The following ZNF718 variants were observed in gnomAD, a reference collection of about 807,000 sequenced individuals.
ZNF718 encodes zinc finger protein 718.
Under a neutral mutation model 2.6 loss-of-function variants are expected in ZNF718, and 3 were observed. The ratio of observed to expected loss-of-function variants is 1.16; its 90% CI spans 0.53 to 3.01. The LOEUF is 3.01. ZNF718 is among the 30% of genes most tolerant of loss of function. The probability of loss-of-function intolerance (pLI) is 0.03; values close to 1 mark genes in which losing one functional copy is unlikely to be tolerated. For missense variants in ZNF718, 468 were observed against 230.0 expected, an observed-to-expected ratio of 2.03 and a Z score of -6.69; for synonymous variants, 135 against 77.9, an observed-to-expected ratio of 1.73 and a Z score of -3.86.
chr4:160,350 C>T (rs1716768659), intron 3 of ZNF718, among the ~76,000 whole-genome samples: 3 of 152,118 alleles, frequency 2.0e-5, no homozygotes, highest in African/African-American at 4.8e-5. Flanking sequence ...TGGAATTGTG[C>T]TTACCTGAGG....
intron 3 of ZNF718, among the ~76,000 whole-genome samples, chr4:145,135 A>T (rs1553811009): frequency 6.6e-6 from 1 of 152,168 alleles, no homozygotes; most frequent in African/African-American, 2.4e-5. Context: ...ATTTTCTCAC[A>T]GTGGCAGTTA....
chr4:154,250 T>A (rs1055546528), intron 3 of ZNF718, among the ~76,000 whole-genome samples: 1 of 152,190 alleles, frequency 6.6e-6, no homozygotes, highest in East Asian at 1.9e-4. Flanking sequence ...ATCTCAGGTA[T>A]GTCTTTATCA....
chr4:137,252 A>AG (rs1715609828), intron 3 of ZNF718, among the ~76,000 whole-genome samples: 1 of 152,152 alleles, frequency 6.6e-6, no homozygotes, highest in African/African-American at 2.4e-5. Flanking sequence ...AAAAAAAAAA[A>AG]TTACCTAGTC....
intron 3 of ZNF718, among the ~76,000 whole-genome samples, chr4:151,107 A>G (rs1304016985): frequency 6.6e-6 from 1 of 151,778 alleles, no homozygotes; most frequent in Non-Finnish European, 1.5e-5. Context: ...TAATTAATTA[A>G]TTTATTTATT....
At chr4:151,095 TTTAA>T (rs1442906417) in intron 3 of ZNF718, among the ~76,000 whole-genome samples, 4 of 152,150 alleles carry the variant, frequency 2.6e-5, no homozygotes, top group Admixed American at 2.0e-4. Flanking sequence ...AGTCTTATTT[TTTAA>T]TTAATTAATT....
At chr4:151,857 G>C (rs552880441) in intron 3 of ZNF718, among the ~76,000 whole-genome samples, 15 of 150,588 alleles carry the variant, frequency 1.0e-4, no homozygotes, top group African/African-American at 3.7e-4. Context: ...AGGGGACCCG[G>C]GGAACCAGCG....
Position 182,803 on chromosome 4 carries a change from C to T in ZNF718, c.227-18278C>T, listed in dbSNP as rs1167984467. ...TGGTTGGCCACATGTATGTCTTCTT[C>T]TGAGAAGTGTCTGTTAATATCCTTT... is the stretch of plus-strand genomic sequence containing the variant. On this transcript the variant is annotated intron_variant and NMD_transcript_variant, in intron 3 of 4. Coordinates refer to the ZNF718 transcript ENST00000642529. Among the ~76,000 whole-genome samples the T allele has an allele frequency of 2.0e-5, 3 of 152,038 alleles. No homozygotes were observed. In the East Asian group the frequency reaches 5.8e-4, roughly 29 times the overall value.
intron 3 of ZNF718, among the ~76,000 whole-genome samples, chr4:155,825 A>G (rs1004116540): frequency 3.3e-5 from 5 of 152,098 alleles, no homozygotes; most frequent in African/African-American, 1.2e-4. Flanking sequence ...CCAGGGGTGG[A>G]ATGATAGGGT....
chr4:125,624 G>A (rs1173571529), intron 1 of ZNF718, among the ~76,000 whole-genome samples: 1 of 152,218 alleles, frequency 6.6e-6, no homozygotes, highest in Non-Finnish European at 1.5e-5. Context: ...CTGCACAGGC[G>A]CTGTCCCGCT....
chr4:178,750 A>C (rs940421949), intron 3 of ZNF718, among the ~76,000 whole-genome samples: 8 of 152,110 alleles, frequency 5.3e-5, no homozygotes, highest in Admixed American at 5.2e-4. Context: ...GATATTCACT[A>C]TTGGTTGTTG....
At chr4:154,992 A>T (rs1420047816) in intron 3 of ZNF718, among the ~76,000 whole-genome samples, 1 of 152,140 alleles carries the variant, frequency 6.6e-6, no homozygotes, top group Non-Finnish European at 1.5e-5. Flanking sequence ...CAGCTACTCT[A>T]CCCATAGCTA....
intron 3 of ZNF718, among the ~76,000 whole-genome samples, chr4:147,599 G>GA (rs1201936745): frequency 1.5e-4 from 23 of 150,260 alleles, no homozygotes; most frequent in Admixed American, 4.6e-4. Flanking sequence ...CTAGTGCTCA[G>GA]AAAAAAAAAA....
At chr4:142,914 T>G (rs1168058523) in intron 3 of ZNF718, among the ~76,000 whole-genome samples, 1 of 152,174 alleles carries the variant, frequency 6.6e-6, no homozygotes, top group Non-Finnish European at 1.5e-5. Context: ...CTGTGAACTC[T>G]TGGTATTTTC....
rs1469962189 is a variant in ZNF718, at chr4:133,201, T to G, written c.226+1696T>G. The stretch of plus-strand genomic sequence containing the variant: ...TTAAAAAAAAAAAAAAAAAAATATA[T>G]ATATATATATATATATATATATATA... On this transcript the variant is annotated intron_variant, in intron 3 of 3. Coordinates refer to ENST00000510175, the MANE Select transcript of ZNF718 (RefSeq NM_001039127.6). Among the ~76,000 whole-genome samples, 26 of 17,782 alleles carry G rather than the reference T, an allele frequency of 1.5e-3. 9 individuals carry two copies. The highest frequency in any genetic ancestry group is 6.8e-3 in the African/African-American group (24 of 3,518). 11.7% of individuals were successfully genotyped at this position (17,782 alleles called of 152,430 possible). A position where few individuals can be genotyped will look rare whatever the true frequency, so the allele number is the denominator to read the frequency against.
chr4:124,482 G>C (rs1715098093), upstream of ZNF718: 1 of 691,482 alleles, frequency 1.4e-6, no homozygotes, highest in Non-Finnish European at 2.5e-6. Context: ...AGGAGGGTGC[G>C]GCATCCGGGA....
At position 135,835 on chromosome 4, in the gene ZNF718, A is replaced by G. The variant is rs79549662; in HGVS notation, c.226+4330A>G. On this transcript the variant is annotated intron_variant, in intron 3 of 3. Transcript: ENST00000510175. The stretch of plus-strand genomic sequence containing the variant: ...TCCTTTTCCTTGCCTAATTGTTCTC[A>G]TACAAATTTTTAGTAATATGTTAAG... 3.4e-3 allele frequency among the ~76,000 whole-genome samples: 480 copies of G among 143,018 alleles called. 8 individuals are homozygous for G. In the East Asian group the frequency reaches 0.068, roughly 20 times the overall value. 93.8% of individuals were successfully genotyped at this position (143,018 alleles called of 152,430 possible).
At chr4:126,990 A>AT (rs1404381332) in intron 1 of ZNF718, among the ~76,000 whole-genome samples, 3 of 151,818 alleles carry the variant, frequency 2.0e-5, no homozygotes, top group African/African-American at 7.3e-5. Flanking sequence ...CACTCAGCTA[A>AT]TTTTTTTGTA....
intron 3 of ZNF718, among the ~76,000 whole-genome samples, chr4:138,789 C>A (rs1187106456): frequency 6.6e-6 from 1 of 152,012 alleles, no homozygotes; most frequent in Non-Finnish European, 1.5e-5. Flanking sequence ...CACATCCTCA[C>A]CAGCATTTAT....
At chr4:164,610 T>C (rs542101838), downstream of ZNF718, among the ~76,000 whole-genome samples, 12 of 152,256 alleles carry the variant, frequency 7.9e-5, no homozygotes, top group South Asian at 2.5e-3. Context: ...ATAAGAATGA[T>C]TTTTATAAAA....
Sources: gnomAD v4.1 joint callset for allele counts (sites outside exome capture counted in the v4.1 genomes callset) on GRCh38, gnomAD v4.1.1 for gene constraint, MANE v1.5 for transcripts, NCBI Gene and HGNC (gene_info 2026-07-23, HGNC 2026-07-21) for gene names.